The following SLC24A4 variants were observed in gnomAD, a reference collection of about 807,000 sequenced individuals.
SLC24A4 encodes the protein solute carrier family 24 member 4.
SLC24A4 carries 53 observed loss-of-function variants against 79.0 expected under a neutral mutation model. The observed-to-expected ratio is 0.67, with a 90% confidence interval of 0.54 to 0.84. The LOEUF (loss-of-function observed/expected upper bound fraction) is 0.84. Among genes scored for constraint, SLC24A4 ranks in the 40% least tolerant of loss-of-function variants. The pLI, the probability that SLC24A4 is intolerant of heterozygous loss-of-function variation, is 0.00. For missense variants in SLC24A4, 731 were observed against 822.0 expected (o/e 0.89, Z 1.35); for synonymous variants, 323 against 323.8 (o/e 1.00, Z 0.03).
At chr14:92,341,268 C>T (rs1183005371) in intron 2 of SLC24A4, among the ~76,000 whole-genome samples, 1 of 152,172 alleles carries the variant, frequency 6.6e-6, no homozygotes, top group African/African-American at 2.4e-5. Context: ...GGTTGCTGAC[C>T]TTGCCTGACC....
intron 2 of SLC24A4, among the ~76,000 whole-genome samples, chr14:92,334,049 G>A (rs1389291166): frequency 6.6e-6 from 1 of 152,210 alleles, no homozygotes. Context: ...AGGTGCAATG[G>A]CACTGGTGGC....
At chr14:92,430,895 C>T (rs377408613) in intron 2 of SLC24A4, among the ~76,000 whole-genome samples, 42 of 152,332 alleles carry the variant, frequency 2.8e-4, no homozygotes, top group African/African-American at 9.9e-4. Flanking sequence ...CTGATCCCTC[C>T]CTCCTCCCTG....
intron 2 of SLC24A4, among the ~76,000 whole-genome samples, chr14:92,376,846 GCTAGTGGGTAGAGTAT>G (rs1358281839): frequency 1.3e-5 from 2 of 152,204 alleles, no homozygotes; most frequent in East Asian, 3.8e-4. Flanking sequence ...CAGGGGGGTT[GCTAGTGGGTAGAGTAT>G]CTAGTGGGTA....
chr14:92,342,375 T>A (rs138833645), intron 2 of SLC24A4, among the ~76,000 whole-genome samples: 7,227 of 140,116 alleles, frequency 0.052, 207 homozygotes, highest in Non-Finnish European at 0.068. Flanking sequence ...TTTATTTATT[T>A]ATTTATTTAT....
intron 2 of SLC24A4, among the ~76,000 whole-genome samples, chr14:92,399,465 C>T (rs370355401): frequency 6.6e-6 from 1 of 152,174 alleles, no homozygotes; most frequent in South Asian, 2.1e-4. Context: ...TAGGAAATAA[C>T]ATCATATCAC....
intron 2 of SLC24A4, among the ~76,000 whole-genome samples, chr14:92,388,744 G>T (rs1415940986): frequency 6.6e-6 from 1 of 152,162 alleles, no homozygotes; most frequent in Non-Finnish European, 1.5e-5. Context: ...GGTCATGACC[G>T]CAGGACTTGC....
Position 92,373,021 on chromosome 14 carries a change from G to A in SLC24A4, c.241+47043G>A, listed in dbSNP as rs556646885. Among the ~76,000 whole-genome samples the A allele has an allele frequency of 6.8e-5, 9 of 133,112 alleles. No homozygotes were observed. In the South Asian group the frequency reaches 1.9e-3, roughly 28 times the overall value. The allele number at this position is 133,112 out of a possible 152,430, so 87.3% of individuals were successfully genotyped here. On this transcript the variant is annotated intron_variant, in intron 2 of 16. Transcript: ENST00000532405. ...TCTTCTTTCTTTCTTTCTTTCTTTC[G>A]AGATGGAGTCTTGCTCTGTTGCCCA...
At chr14:92,381,529 A>G (rs550722581) in intron 2 of SLC24A4, among the ~76,000 whole-genome samples, 92 of 152,276 alleles carry the variant, frequency 6.0e-4, no homozygotes, top group African/African-American at 1.8e-3. Context: ...GCAAACCACC[A>G]TGGCACATGT....
At chr14:92,410,276 G>A (rs1429959074) in intron 2 of SLC24A4, among the ~76,000 whole-genome samples, 2 of 152,240 alleles carry the variant, frequency 1.3e-5, no homozygotes, top group Admixed American at 1.3e-4. Context: ...CAAACTCCTG[G>A]GCTCAAGTGA....
At chr14:92,448,867 G>A (rs1595299152) in intron 9 of SLC24A4, among the ~76,000 whole-genome samples, 1 of 152,192 alleles carries the variant, frequency 6.6e-6, no homozygotes, top group East Asian at 1.9e-4. Flanking sequence ...CTCAATAGGA[G>A]CAGGTGCCAC....
chr14:92,477,630 T>C (rs1264885460), intron 12 of SLC24A4, among the ~76,000 whole-genome samples: 1 of 152,138 alleles, frequency 6.6e-6, no homozygotes, highest in Non-Finnish European at 1.5e-5. Flanking sequence ...AGTTTTTGTA[T>C]TTTTTGTAGA....
intron 2 of SLC24A4, among the ~76,000 whole-genome samples, chr14:92,429,596 G>A (rs1269977132): frequency 6.6e-6 from 1 of 152,216 alleles, no homozygotes; most frequent in African/African-American, 2.4e-5. Flanking sequence ...ATGTTTCAGA[G>A]CGTGGCCTCT....
At chr14:92,399,295 C>A (rs1242557841) in intron 2 of SLC24A4, among the ~76,000 whole-genome samples, 1 of 152,146 alleles carries the variant, frequency 6.6e-6, no homozygotes, top group Non-Finnish European at 1.5e-5. Context: ...GATTTTGGCA[C>A]CTACTACGTA....
intron 12 of SLC24A4, among the ~76,000 whole-genome samples, chr14:92,475,756 AC>A (rs1407394492): frequency 6.6e-6 from 1 of 152,224 alleles, no homozygotes; most frequent in Non-Finnish European, 1.5e-5. Flanking sequence ...AATATTTTAT[AC>A]ACATACCTGG....
intron 12 of SLC24A4, among the ~76,000 whole-genome samples, chr14:92,481,480 T>A (rs1361327699): frequency 6.6e-6 from 1 of 152,218 alleles, no homozygotes; most frequent in African/African-American, 2.4e-5. Context: ...TGGAGTCTTC[T>A]AAGAAACCAC....
chr14:92,460,472 G>A (rs1008126076), intron 12 of SLC24A4, among the ~76,000 whole-genome samples: 21 of 152,160 alleles, frequency 1.4e-4, no homozygotes, highest in African/African-American at 5.1e-4. Flanking sequence ...AAGATCGTAG[G>A]TTCCAGAATC....
At position 92,366,853 on chromosome 14, in the gene SLC24A4, G is replaced by A. The variant is rs148326059; in HGVS notation, c.241+40875G>A. Among the ~76,000 whole-genome samples, 201 of 152,276 alleles carry A rather than the reference G, an allele frequency of 1.3e-3. 1 individual carries two copies. The highest frequency in any genetic ancestry group is 4.0e-3 in the African/African-American group (167 of 41,548). ...GAATAGGCGGGGAAGGGGTGATTACGTCCATTTCTTTTCAGCTCATGGCTC... is the reference window on the plus strand; with the variant it reads ...GAATAGGCGGGGAAGGGGTGATTACATCCATTTCTTTTCAGCTCATGGCTC... On this transcript the variant is annotated intron_variant, in intron 2 of 16. Coordinates refer to ENST00000532405, the MANE Select transcript of SLC24A4 (RefSeq NM_153646.4).
At chr14:92,474,672 T>G (rs1325444954) in intron 12 of SLC24A4, among the ~76,000 whole-genome samples, 1 of 112,292 alleles carries the variant, frequency 8.9e-6, no homozygotes, top group African/African-American at 3.1e-5. Flanking sequence ...TGTGTGTATA[T>G]ATATATATAC....
rs1487757674 is a variant in SLC24A4 at position 92,500,708 on chromosome 14, A to G, written c.*7080A>G. ...GTGGCCAACTCTTGGGGAGCTCCAC[A>G]GTGGGGGTTGCTGGTCTGTGAGGCT... On this transcript the variant is annotated 3_prime_UTR_variant, in exon 17 of 17. Coordinates refer to ENST00000532405, the MANE Select transcript of SLC24A4 (RefSeq NM_153646.4). The G allele has an allele frequency of 6.6e-6, 1 of 152,316 alleles. No individual in the cohort carries two copies. The highest frequency in any genetic ancestry group is 1.5e-5 in the Non-Finnish European group (1 of 68,122). 9.4% of individuals were successfully genotyped at this position (152,316 alleles called of 1,614,324 possible).
Sources: allele counts gnomAD v4.1 joint callset (sites outside exome capture counted in the v4.1 genomes callset), GRCh38; gene constraint gnomAD v4.1.1; transcripts MANE v1.5; gene names NCBI Gene and HGNC (gene_info 2026-07-23, HGNC 2026-07-21).